Variants in KLF16 observed in about 807,000 individuals in gnomAD.
The protein encoded by KLF16 is KLF transcription factor 16.
In KLF16, 6 loss-of-function variants were observed where a neutral mutation model predicts 6.1. That is an observed-to-expected ratio of 0.98 (90% CI 0.54 to 1.93). The LOEUF is 1.93. KLF16 is among the 30% of genes most tolerant of loss of function. The pLI is 0.01. For synonymous variants in KLF16, 211 were observed against 176.5 expected, an observed-to-expected ratio of 1.20 and a Z score of -1.55; for missense variants, 355 against 363.8, an observed-to-expected ratio of 0.98 and a Z score of 0.20.
At chr19:1,862,970 T>G in intron 1 of KLF16, 71 bp downstream of exon 1, 85 of 929,556 alleles carry the variant, frequency 9.1e-5, no homozygotes, top group Non-Finnish European at 1.0e-4. Flanking sequence ...GCCACGCAGT[T>G]TCGGGGTCCT....
the KLF16 span, among the ~76,000 whole-genome samples, chr19:1,872,241 C>A: frequency 6.6e-6 from 1 of 152,208 alleles, no homozygotes; most frequent in African/African-American, 2.4e-5. Context: ...AGCGATTCTC[C>A]TGCCTCAGCC....
chr19:1,855,507 G>C (rs1268815241), intron 1 of KLF16, among the ~76,000 whole-genome samples: 1 of 152,182 alleles, frequency 6.6e-6, no homozygotes, highest in Non-Finnish European at 1.5e-5. Flanking sequence ...GCTGGGCAGG[G>C]GCGGGCCACC....
In KLF16 at chr19:1,857,289, G is replaced by A. The variant is rs979462185; in HGVS notation, c.458-2529C>T. On this transcript the variant is annotated intron_variant, in intron 1 of 1. Coordinates refer to ENST00000250916, the MANE Select transcript of KLF16 (RefSeq NM_031918.4). This position sits in a 1 kb window ranked among gnomAD's most constrained non-coding sequence, Gnocchi z 4.7. ...AATCCACTCGCAGGGAGGAGGGTGG[G>A]GTGAACTTGTGGGGGCCCAGAGCGC... Among the ~76,000 whole-genome samples, 2 of 152,218 alleles carry A rather than the reference G, an allele frequency of 1.3e-5. No individual in the cohort carries two copies. The highest frequency in any genetic ancestry group is 2.9e-5 in the Non-Finnish European group (2 of 68,032).
chr19:1,856,899 G>A (rs1246915315), intron 1 of KLF16, among the ~76,000 whole-genome samples: 2 of 143,656 alleles, frequency 1.4e-5, no homozygotes, highest in East Asian at 2.1e-4. Flanking sequence ...CGGCGGGGCT[G>A]GTCTCCACTC....
chr19:1,862,809 G>GAGCCCCCGC (rs1183643074), intron 1 of KLF16: 154 of 358,970 alleles, frequency 4.3e-4, no homozygotes, highest in Non-Finnish European at 4.8e-4. Flanking sequence ...TGGGCCCCCG[G>GAGCCCCCGC]AGCCCCCGCC....
chr19:1,865,604 T>G (rs1473686233), upstream of KLF16, among the ~76,000 whole-genome samples: 2 of 152,230 alleles, frequency 1.3e-5, no homozygotes, highest in Non-Finnish European at 2.9e-5. Context: ...AGGCAGGACC[T>G]TCACTGTGAG....
chr19:1,865,124 G>T (rs938128715), upstream of KLF16, among the ~76,000 whole-genome samples: 3 of 152,200 alleles, frequency 2.0e-5, no homozygotes, highest in Non-Finnish European at 4.4e-5. Flanking sequence ...CCCTCCCTGG[G>T]CCCCAGTAAG....
At position 1,854,767 on chromosome 19, in the gene KLF16, GGA is replaced by G. The variant is rs757808398; in HGVS notation, c.458-9_458-8del. ...CAAGCAAAAGGGCGTTCCCCTGGAC[GGA>G]GAGACAGAGACAGACAGCGGGTCAG... On this transcript the variant is annotated splice_polypyrimidine_tract_variant and splice_region_variant and intron_variant, in intron 1 of 1. Coordinates refer to ENST00000250916, the MANE Select transcript of KLF16 (RefSeq NM_031918.4). The G allele has an allele frequency of 2.5e-6, 4 of 1,597,470 alleles. No homozygotes were observed. The highest frequency in any genetic ancestry group is 3.4e-6 in the Non-Finnish European group (4 of 1,179,238).
intron 1 of KLF16, 81 bp from the exon 2 acceptor site, chr19:1,854,841 G>A: frequency 6.8e-7 from 1 of 1,480,940 alleles, no homozygotes; most frequent in East Asian, 2.3e-5. Context: ...ATCCCAAAGG[G>A]TGGCGGGCAT....
At position 1,857,996 on chromosome 19, in the gene KLF16, C is replaced by T. The variant is rs956657751; in HGVS notation, c.458-3236G>A. Among the ~76,000 whole-genome samples the T allele has an allele frequency of 5.3e-5, 8 of 152,104 alleles. No homozygotes were observed. Among genetic ancestry groups the T allele is most frequent in the African/African-American group, 1.9e-4 (8 of 41,402 alleles). Reference sequence around the variant, plus strand: ...AATACTACTGGGCCATAGCAACCCCCACACCCACTCTGCCCCTAGCTCCCC... The same window carrying T: ...AATACTACTGGGCCATAGCAACCCCTACACCCACTCTGCCCCTAGCTCCCC... On this transcript the variant is annotated intron_variant, in intron 1 of 1. Coordinates refer to ENST00000250916, the MANE Select transcript of KLF16 (RefSeq NM_031918.4). The surrounding 1 kb of genome is among the most constrained non-coding windows in gnomAD (Gnocchi z 4.7).
At chr19:1,865,888 G>C (rs1045339316), upstream of KLF16, among the ~76,000 whole-genome samples, 8 of 152,224 alleles carry the variant, frequency 5.3e-5, no homozygotes, top group African/African-American at 1.9e-4. Context: ...TCTCCACCGG[G>C]TGCGGTGGCT....
At chr19:1,855,525 C>T (rs546704345) in intron 1 of KLF16, among the ~76,000 whole-genome samples, 152 of 152,296 alleles carry the variant, frequency 1.0e-3, no homozygotes, top group Admixed American at 9.8e-4. Flanking sequence ...ACCACCCGGC[C>T]ACTTCCTCCA....
chr19:1,868,917 A>T, the KLF16 span, among the ~76,000 whole-genome samples: 1 of 152,158 alleles, frequency 6.6e-6, no homozygotes, highest in South Asian at 2.1e-4. Context: ...TGCTAGGATT[A>T]TAGGCGTGAG....
At chr19:1,865,546 G>A (rs753497802), upstream of KLF16, among the ~76,000 whole-genome samples, 1 of 152,274 alleles carries the variant, frequency 6.6e-6, no homozygotes, top group Non-Finnish European at 1.5e-5. Flanking sequence ...GGAGGCTAAC[G>A]ATGGGGGGCA....
At chr19:1,864,409 G>A (rs1171115363), upstream of KLF16, among the ~76,000 whole-genome samples, 4 of 150,516 alleles carry the variant, frequency 2.7e-5, no homozygotes, top group Non-Finnish European at 5.9e-5. Context: ...CGAGACACCC[G>A]GTATCCCGCG....
At position 1,854,159 on chromosome 19, in the gene KLF16, G is replaced by T. The variant is rs2011896550; in HGVS notation, c.*300C>A. 1 of 344,944 alleles carries T rather than the reference G, an allele frequency of 2.9e-6. No individual in the cohort carries two copies. The highest frequency in any genetic ancestry group is 5.2e-6 in the Non-Finnish European group (1 of 193,244). 21.4% of individuals were successfully genotyped at this position (344,944 alleles called of 1,614,324 possible). On this transcript the variant is annotated 3_prime_UTR_variant, in exon 2 of 2. Transcript: ENST00000250916. ...CCCGGGAGGGGGGCAGCAGGGGGTG[G>T]TGGAGAGGAGAGGGGAGGACCTCCT...
chr19:1,872,988 C>T, the KLF16 span, among the ~76,000 whole-genome samples: 1 of 152,116 alleles, frequency 6.6e-6, no homozygotes, highest in Non-Finnish European at 1.5e-5. Flanking sequence ...CAGAGGTGGA[C>T]AGGCAGGTGC....
chr19:1,872,679 T>A, the KLF16 span, among the ~76,000 whole-genome samples: 1 of 152,076 alleles, frequency 6.6e-6, no homozygotes, highest in East Asian at 1.9e-4. Context: ...TCCCGGGACC[T>A]TATTTCTGAG....
the KLF16 span, among the ~76,000 whole-genome samples, chr19:1,870,506 T>C: frequency 6.6e-6 from 1 of 152,008 alleles, no homozygotes; most frequent in Non-Finnish European, 1.5e-5. Flanking sequence ...ACTGCATTTC[T>C]ACACAAAATA....
Sources: allele counts gnomAD v4.1 joint callset (sites outside exome capture counted in the v4.1 genomes callset), GRCh38; gene constraint gnomAD v4.1.1; non-coding constraint Gnocchi (gnomAD v3.1); transcripts MANE v1.5; gene names NCBI Gene and HGNC (gene_info 2026-07-23, HGNC 2026-07-21).